Variants in CA12 observed in about 807,000 individuals in gnomAD.
CA12 encodes carbonic anhydrase 12, also known as carbonate dehydratase XII.
A neutral mutation model predicts 46.8 loss-of-function variants in CA12; 36 were observed. The ratio of observed to expected loss-of-function variants is 0.77; its 90% confidence interval spans 0.59 to 1.02. The LOEUF is 1.02. Among genes scored for constraint, CA12 ranks in the 50% least tolerant of loss-of-function variants. The probability of loss-of-function intolerance (pLI) is 0.00; values close to 1 mark genes in which losing one functional copy is unlikely to be tolerated. For synonymous variants in CA12, 202 were observed against 187.0 expected, an observed-to-expected ratio of 1.08 and a Z score of -0.65; for missense variants, 436 against 451.4, an observed-to-expected ratio of 0.97 and a Z score of 0.31.
At chr15:63,351,103 T>C (rs965930260) in intron 2 of CA12, among the ~76,000 whole-genome samples, 1 of 152,228 alleles carries the variant, frequency 6.6e-6, no homozygotes, top group Non-Finnish European at 1.5e-5. Context: ...TCCATATATT[T>C]TTTGCAATAT....
In CA12 at chr15:63,321,640, C is replaced by G. The variant is rs970123628; in HGVS notation, c.*4645G>C. On this transcript the variant is annotated 3_prime_UTR_variant, in exon 11 of 11. Coordinates refer to ENST00000178638, the MANE Select transcript of CA12 (RefSeq NM_001218.5). The surrounding 1 kb of genome is among the most constrained non-coding windows in gnomAD (Gnocchi z 4.5). ...GGTGGTCCCTGTGCCCCAGAGGCCC[C>G]GTTTCCTTCCGGAAGCGAGGCTGCA... 1.3e-5 allele frequency: 2 copies of G among 152,242 alleles called. No homozygotes were observed. The highest frequency in any genetic ancestry group is 4.8e-5 in the African/African-American group (2 of 41,440). The allele number at this position is 152,242 out of a possible 1,614,324, so 9.4% of individuals were successfully genotyped here.
At chr15:63,366,084 T>A (rs896247343) in intron 2 of CA12, among the ~76,000 whole-genome samples, 2 of 141,842 alleles carry the variant, frequency 1.4e-5, no homozygotes, top group African/African-American at 2.8e-5. Context: ...GTGGTTGCAG[T>A]GAACTGAGAT....
chr15:63,353,783 A>G (rs1052348661), intron 2 of CA12, among the ~76,000 whole-genome samples: 7 of 152,116 alleles, frequency 4.6e-5, no homozygotes, highest in Non-Finnish European at 1.5e-5. Context: ...CTGGGCTGAA[A>G]TGATCCTCCT....
At chr15:63,376,516 TTCTC>T (rs1021183028) in intron 1 of CA12, among the ~76,000 whole-genome samples, 16 of 147,162 alleles carry the variant, frequency 1.1e-4, no homozygotes, top group Non-Finnish European at 3.0e-5. Context: ...ACTTTACATT[TTCTC>T]TCTCTCTCTG....
chr15:63,367,779 C>T (rs2152625285), intron 2 of CA12, among the ~76,000 whole-genome samples: 1 of 152,308 alleles, frequency 6.6e-6, no homozygotes, highest in Non-Finnish European at 1.5e-5. Flanking sequence ...TTGTTTCTTC[C>T]TGGTTGGCAT....
chr15:63,375,862 T>C (rs1007789045), intron 1 of CA12, among the ~76,000 whole-genome samples, 184 bp from the exon 2 acceptor site: 2 of 150,866 alleles, frequency 1.3e-5, no homozygotes, highest in Non-Finnish European at 3.0e-5. Flanking sequence ...CAGGCTGGAG[T>C]GCAGTGGCGC....
intron 2 of CA12, among the ~76,000 whole-genome samples, chr15:63,368,324 G>A (rs1467688625): frequency 6.6e-6 from 1 of 152,150 alleles, no homozygotes; most frequent in African/African-American, 2.4e-5. Flanking sequence ...TGGCCATGGT[G>A]CCTGCGCTCC....
Position 63,362,261 on chromosome 15 carries a change from A to G in CA12, c.106+13397T>C, listed in dbSNP as rs2039372926. On this transcript the variant is annotated intron_variant, in intron 2 of 10. Coordinates refer to ENST00000178638, the MANE Select transcript of CA12 (RefSeq NM_001218.5). ...AGCTTAACATGTGTTAATTACTGCA[A>G]TCTGAATAACAATGCTATGATATAG... Among the ~76,000 whole-genome samples the G allele has an allele frequency of 2.0e-5, 3 of 152,352 alleles. No homozygotes were observed. In the South Asian group the frequency reaches 6.2e-4, roughly 32 times the overall value.
At chr15:63,359,293 C>G (rs1476444830) in intron 2 of CA12, among the ~76,000 whole-genome samples, 1 of 151,944 alleles carries the variant, frequency 6.6e-6, no homozygotes, top group African/African-American at 2.4e-5. Context: ...TTTTCCTCCC[C>G]CTTCCTCCCT....
chr15:63,342,698 C>A (rs2039096802), intron 4 of CA12, among the ~76,000 whole-genome samples: 1 of 152,098 alleles, frequency 6.6e-6, no homozygotes, highest in Non-Finnish European at 1.5e-5. Context: ...CTTTGGAATG[C>A]CCTTGGTCAA....
chr15:63,369,546 G>C (rs533383885), intron 2 of CA12, among the ~76,000 whole-genome samples: 1 of 152,128 alleles, frequency 6.6e-6, no homozygotes, highest in Admixed American at 6.5e-5. Context: ...TCTGGGCCCC[G>C]CCCCCCAGAG....
At chr15:63,346,449 C>A in intron 3 of CA12, 81 bp downstream of exon 3, 1 of 1,319,322 alleles carries the variant, frequency 7.6e-7, no homozygotes, top group East Asian at 2.4e-5. Context: ...GGAACACCTC[C>A]CTGCCAGATG....
At position 63,328,196 on chromosome 15, in the gene CA12, G is replaced by T; in HGVS notation, c.875-66C>A. The T allele has an allele frequency of 1.4e-6, 2 of 1,389,870 alleles. No individual in the cohort carries two copies. The highest frequency in any genetic ancestry group is 1.2e-5 in the South Asian group (1 of 86,286). 86.1% of individuals were successfully genotyped at this position (1,389,870 alleles called of 1,614,324 possible). ...AAACCACACTGGATTTGAGCAGCGT[G>T]TTGAGAGACGCTCTACCATTTGTTT... On this transcript the variant is annotated intron_variant, in intron 8 of 10. Coordinates refer to ENST00000178638, the MANE Select transcript of CA12 (RefSeq NM_001218.5). This position sits in a 1 kb window ranked among gnomAD's most constrained non-coding sequence, Gnocchi z 5.9.
intron 2 of CA12, among the ~76,000 whole-genome samples, chr15:63,357,702 C>T (rs917497747): frequency 2.6e-5 from 4 of 152,006 alleles, no homozygotes; most frequent in African/African-American, 9.7e-5. Context: ...ATACATAGAG[C>T]ATAAAACTAC....
chr15:63,363,531 A>G (rs1399719415), intron 2 of CA12, among the ~76,000 whole-genome samples: 1 of 152,200 alleles, frequency 6.6e-6, no homozygotes, highest in Non-Finnish European at 1.5e-5. Flanking sequence ...TTGAGGGTAA[A>G]AATGGCTCCT....
chr15:63,348,699 C>T lies in CA12; in HGVS notation c.107-1990G>A, dbSNP rs1449325697. Among the ~76,000 whole-genome samples the T allele has an allele frequency of 6.6e-6, 1 of 152,178 alleles. No individual in the cohort carries two copies. Among genetic ancestry groups the T allele is most frequent in the Non-Finnish European group, 1.5e-5 (1 of 68,036 alleles). The stretch of plus-strand genomic sequence containing the variant: ...ACTGGATTAGAAGGGTTTTCTTTTC[C>T]CACAGTGGAGGTTCAAAAAGGTTTC... On this transcript the variant is annotated intron_variant, in intron 2 of 10. Transcript: ENST00000178638. This position sits in a 1 kb window ranked among gnomAD's most constrained non-coding sequence, Gnocchi z 4.6.
In CA12 at chr15:63,339,045, C is replaced by T; in HGVS notation, c.748-100G>A. The T allele has an allele frequency of 6.9e-7, 1 of 1,452,932 alleles. No individual in the cohort carries two copies. 90.0% of individuals were successfully genotyped at this position (1,452,932 alleles called of 1,614,324 possible). Reference sequence around the variant, plus strand: ...CCGCTCTTGCACCTGGGAGAAGCCTCTGGAACCAGCTTCTGTGGGGCCGGG... The same window carrying T: ...CCGCTCTTGCACCTGGGAGAAGCCTTTGGAACCAGCTTCTGTGGGGCCGGG... On this transcript the variant is annotated intron_variant, in intron 7 of 10. Transcript: ENST00000178638. This position sits in a 1 kb window ranked among gnomAD's most constrained non-coding sequence, Gnocchi z 4.3.
In CA12 at chr15:63,330,862, T is replaced by C. The variant is rs928320945; in HGVS notation, c.875-2732A>G. On this transcript the variant is annotated intron_variant, in intron 8 of 10. Coordinates refer to ENST00000178638, the MANE Select transcript of CA12 (RefSeq NM_001218.5). The surrounding 1 kb of genome is among the most constrained non-coding windows in gnomAD (Gnocchi z 4.0). ...TGAGGACCACTTGTCAAGGCCTAAATGGACTCTCCTTGGAAACAACGAAAT... is the reference window on the plus strand; with the variant it reads ...TGAGGACCACTTGTCAAGGCCTAAACGGACTCTCCTTGGAAACAACGAAAT... 6.6e-6 allele frequency among the ~76,000 whole-genome samples: 1 copy of C among 152,144 alleles called. No homozygotes were observed. The highest frequency in any genetic ancestry group is 2.4e-5 in the African/African-American group (1 of 41,408).
At chr15:63,375,630 CA>C (rs2039560377) in intron 2 of CA12, 27 bp downstream of exon 2, 2 of 1,437,788 alleles carry the variant, frequency 1.4e-6, no homozygotes, top group Non-Finnish European at 9.7e-7. Context: ...TTCTTTTCAA[CA>C]AAAAAGTATT....
Sources: allele counts gnomAD v4.1 joint callset (sites outside exome capture counted in the v4.1 genomes callset), GRCh38; gene constraint gnomAD v4.1.1; non-coding constraint Gnocchi (gnomAD v3.1); transcripts MANE v1.5; gene names NCBI Gene and HGNC (gene_info 2026-07-23, HGNC 2026-07-21).